CEP164: variants seen among roughly 807,000 people sequenced by gnomAD.
The protein encoded by CEP164 is centrosomal protein 164.
A neutral mutation model predicts 182.7 loss-of-function variants in CEP164; 162 were observed. That is an observed-to-expected ratio of 0.89 (90% CI 0.78 to 1.01). The LOEUF (loss-of-function observed/expected upper bound fraction) is 1.01. Ranked by LOEUF, CEP164 falls within the 50% of genes least tolerant of loss-of-function variation. CEP164 has a pLI of 0.00. For missense variants in CEP164, 1,735 were observed against 1,790.4 expected (o/e 0.97, Z 0.56); for synonymous variants, 661 against 690.0 (o/e 0.96, Z 0.66).
intron 11 of CEP164, among the ~76,000 whole-genome samples, chr11:117,377,715 A>G (rs115812973): frequency 3.3e-3 from 510 of 152,288 alleles, no homozygotes; most frequent in African/African-American, 0.012. Flanking sequence ...AATATTTGCA[A>G]TGCAGCTTTA....
chr11:117,386,673 T>C (rs1028106881), intron 14 of CEP164: 3 of 155,432 alleles, frequency 1.9e-5, no homozygotes, highest in African/African-American at 7.2e-5. Context: ...TGGACTGTTG[T>C]AGTTCTCAGA....
At chr11:117,341,370 A>AT (rs2038093308) in intron 3 of CEP164, among the ~76,000 whole-genome samples, 1 of 151,810 alleles carries the variant, frequency 6.6e-6, no homozygotes, top group Non-Finnish European at 1.5e-5. Context: ...TATACTCAAC[A>AT]TAACACCCTT....
At chr11:117,356,356 C>T in intron 5 of CEP164, 5 of 1,168,826 alleles carry the variant, frequency 4.3e-6, no homozygotes, top group Non-Finnish European at 5.4e-6. Flanking sequence ...CAGTCTGTTG[C>T]ATGGCAGCTG....
At chr11:117,345,706 G>A (rs552803) in intron 4 of CEP164, among the ~76,000 whole-genome samples, 1 of 150,716 alleles carries the variant, frequency 6.6e-6, no homozygotes, top group South Asian at 2.1e-4. Context: ...TTTTTTTTGA[G>A]ATGGAGTTTT....
chr11:117,352,878 C>T (rs1280464331), intron 5 of CEP164, among the ~76,000 whole-genome samples: 11 of 152,372 alleles, frequency 7.2e-5, no homozygotes, highest in South Asian at 2.1e-4. Context: ...TGAGCTACCA[C>T]GCCCAGCCTG....
At chr11:117,382,722 C>T in intron 13 of CEP164, 74 bp from the exon 14 acceptor site, 2 of 1,536,012 alleles carry the variant, frequency 1.3e-6, no homozygotes, top group Middle Eastern at 1.7e-4. Flanking sequence ...GCTCTTTGAC[C>T]CCAAATGGCG....
intron 1 of CEP164, among the ~76,000 whole-genome samples, chr11:117,328,942 C>T (rs2035769750): frequency 6.6e-6 from 1 of 152,168 alleles, no homozygotes; most frequent in Admixed American, 6.5e-5. Flanking sequence ...CTCTTAATTC[C>T]CCTAGAATCT....
chr11:117,351,871 T>C lies in CEP164; in HGVS notation c.276T>C (p.Tyr92=), dbSNP rs373403222. 19 of 1,613,392 alleles carry C rather than the reference T, an allele frequency of 1.2e-5. No individual in the cohort carries two copies. The highest frequency in any genetic ancestry group is 1.6e-5 in the Non-Finnish European group (19 of 1,179,926). ...GGGACCATCCATGTGACGAACACTA[T>C]CGGAGCTTGGTGATCCAAGAGCGGG... The part of the protein sequence containing the change: ...SMWDHPCDEH[Y]RSLVIQERAK... Residue 92 remains tyrosine (Y), a synonymous_variant, in exon 5 of 33, where the codon TAT becomes TAC. Transcript: ENST00000278935.
rs201175046 is a variant in CEP164, at chr11:117,390,823, C to G, written c.1981C>G (p.Arg661Gly). ...GAAAGCCATTGAGGAGGAGGAGGCC[C>G]GGATGAGAGAGGAGGAAAGCCAGAG... ...LQKAIEEEEA[R>G]MREEESQRLS... Residue 661 changes from arginine to glycine, a missense_variant, in exon 16 of 33, where the codon CGG becomes GGG. Physicochemically the swap from Arg to Gly is moderately radical, Grantham distance 125. Transcript: ENST00000278935. 2 of 1,613,572 alleles carry G rather than the reference C, an allele frequency of 1.2e-6. No homozygotes were observed. Among genetic ancestry groups the G allele is most frequent in the African/African-American group, 1.3e-5 (1 of 74,838 alleles).
At position 117,409,065 on chromosome 11, in the gene CEP164, C is replaced by T. The variant is rs780171206; in HGVS notation, c.3748+37C>T. ...AGATGCGGGGTGAGGACCATGGTATCCATGGAATGGGAGGAACTTGGGGAA... is the reference window on the plus strand; with the variant it reads ...AGATGCGGGGTGAGGACCATGGTATTCATGGAATGGGAGGAACTTGGGGAA... On this transcript the variant is annotated intron_variant, in intron 29 of 32. Transcript: ENST00000278935. This position sits in a 1 kb window ranked among gnomAD's most constrained non-coding sequence, Gnocchi z 4.4. 3 of 1,612,844 alleles carry T rather than the reference C, an allele frequency of 1.9e-6. No individual in the cohort carries two copies. Among genetic ancestry groups the T allele is most frequent in the South Asian group, 1.1e-5 (1 of 91,006 alleles).
intron 27 of CEP164, among the ~76,000 whole-genome samples, chr11:117,402,781 G>A (rs188376397): frequency 2.0e-4 from 30 of 152,232 alleles, no homozygotes; most frequent in African/African-American, 6.0e-4. Flanking sequence ...TTTCTGTCTC[G>A]TTGATCTGTC....
At chr11:117,396,659 GGTAA>G (rs1346382495) in intron 26 of CEP164, 48 bp downstream of exon 26, 3 of 1,415,538 alleles carry the variant, frequency 2.1e-6, no homozygotes, top group Admixed American at 3.3e-5. Flanking sequence ...ACCATGAAGG[GGTAA>G]GTGAGTACCT....
chr11:117,399,351 T>C (rs939797610), intron 27 of CEP164, among the ~76,000 whole-genome samples: 1 of 152,234 alleles, frequency 6.6e-6, no homozygotes, highest in Non-Finnish European at 1.5e-5. Flanking sequence ...CCATGGTGTA[T>C]ATGTGCCACA....
chr11:117,336,149 T>C, intron 2 of CEP164: 1 of 1,568,700 alleles, frequency 6.4e-7, no homozygotes, highest in Non-Finnish European at 8.6e-7. Context: ...TTCTGAAGCT[T>C]GATGGGAGAG....
At chr11:117,348,093 C>T (rs1242648345) in intron 4 of CEP164, among the ~76,000 whole-genome samples, 1 of 151,992 alleles carries the variant, frequency 6.6e-6, no homozygotes, top group Non-Finnish European at 1.5e-5. Context: ...CCTCAGCTTC[C>T]CGAGTAGCTG....
Position 117,395,136 on chromosome 11 carries a change from G to T in CEP164, c.2858G>T (p.Arg953Leu). 6.2e-7 allele frequency: 1 copy of T among 1,614,164 alleles called. No homozygotes were observed. Among genetic ancestry groups the T allele is most frequent in the Non-Finnish European group, 8.5e-7 (1 of 1,180,038 alleles). Residue 953 changes from arginine (R) to leucine (L), a missense_variant, in exon 23 of 33, where the codon CGG becomes CTG. Physicochemically the swap from Arg to Leu is moderately radical, Grantham distance 102. Coordinates refer to ENST00000278935, the MANE Select transcript of CEP164 (RefSeq NM_014956.5). ...CTTCCCTGCAAGGAGGAGACCGCCCGGAGGGAGAAGCAGCAGCTGCTTGAT... is the reference window on the plus strand; with the variant it reads ...CTTCCCTGCAAGGAGGAGACCGCCCTGAGGGAGAAGCAGCAGCTGCTTGAT... ...ALLEVQEETA[R>L]REKQQLLDVQ...
intron 4 of CEP164, among the ~76,000 whole-genome samples, chr11:117,350,524 C>T (rs1405824175): frequency 6.6e-6 from 1 of 152,144 alleles, no homozygotes; most frequent in Non-Finnish European, 1.5e-5. Context: ...GACATCTTTT[C>T]ATGTGCTTAT....
At position 117,409,907 on chromosome 11, in the gene CEP164, C is replaced by T. The variant is rs2047140030; in HGVS notation, c.4038C>T (p.Ser1346=). Residue 1346 remains serine, a synonymous_variant, in exon 30 of 33, where the codon TCC becomes TCT. Transcript: ENST00000278935. This position sits in a 1 kb window ranked among gnomAD's most constrained non-coding sequence, Gnocchi z 4.4. ...CAGGGCAGGGGCCCAGGCTCCCCTC[C>T]TCTGTGGCTCAAACGGTGGACGACT... ...WDSGQGPRLP[S]SVAQTVDDFL... The T allele has an allele frequency of 6.2e-7, 1 of 1,614,088 alleles. No individual in the cohort carries two copies. The highest frequency in any genetic ancestry group is 1.3e-5 in the African/African-American group (1 of 74,940).
Position 117,411,650 on chromosome 11 carries a change from C to A in CEP164, c.4164-145C>A. ...TTCTGGAGGGGCAGATGTTTTGAAG[C>A]TTTGAATTGCTAGGGACCTCGGAGA... On this transcript the variant is annotated intron_variant, in intron 31 of 32. Transcript: ENST00000278935. The surrounding 1 kb of genome is among the most constrained non-coding windows in gnomAD (Gnocchi z 4.4). 2 of 1,143,860 alleles carry A rather than the reference C, an allele frequency of 1.7e-6. No homozygotes were observed. Among genetic ancestry groups the A allele is most frequent in the Non-Finnish European group, 1.2e-6 (1 of 812,518 alleles). The allele number at this position is 1,143,860 out of a possible 1,614,324, so 70.9% of individuals were successfully genotyped here.
Sources: allele counts gnomAD v4.1 joint callset (sites outside exome capture counted in the v4.1 genomes callset), GRCh38; gene constraint gnomAD v4.1.1; non-coding constraint Gnocchi (gnomAD v3.1); transcripts MANE v1.5; gene names NCBI Gene and HGNC (gene_info 2026-07-23, HGNC 2026-07-21).